The following EXTL3 variants were observed in gnomAD, a reference collection of about 807,000 sequenced individuals.
EXTL3 encodes the protein exostosin-like 3.
Under a neutral mutation model 69.3 loss-of-function variants are expected in EXTL3, and 27 were observed. The observed-to-expected ratio is 0.39, with a 90% CI of 0.29 to 0.54. EXTL3 has a LOEUF of 0.54. Among genes scored for constraint, EXTL3 ranks in the 20% least tolerant of loss-of-function variants. EXTL3 has a pLI of 0.69. For synonymous variants in EXTL3, 511 were observed against 499.4 expected (o/e 1.02, Z -0.31); for missense variants, 1,003 against 1,231.8 (o/e 0.81, Z 2.78).
intron 3 of EXTL3, among the ~76,000 whole-genome samples, chr8:28,719,267 G>C (rs903892955): frequency 9.2e-5 from 14 of 152,164 alleles, no homozygotes; most frequent in African/African-American, 3.4e-4. Context: ...TTGATAATTA[G>C]CTTTTTTGAT....
intron 1 of EXTL3, among the ~76,000 whole-genome samples, chr8:28,635,423 C>T (rs568202947): frequency 1.3e-5 from 2 of 148,438 alleles, no homozygotes; most frequent in South Asian, 2.1e-4. Flanking sequence ...AAAAATTGGC[C>T]GAGCGCAGTG....
intron 1 of EXTL3, among the ~76,000 whole-genome samples, chr8:28,641,142 A>G (rs1806736312): frequency 6.6e-6 from 1 of 152,214 alleles, no homozygotes; most frequent in Non-Finnish European, 1.5e-5. Flanking sequence ...AGAGCCAGAT[A>G]TTACACATTG....
intron 1 of EXTL3, among the ~76,000 whole-genome samples, chr8:28,684,930 C>T (rs904678672): frequency 1.3e-5 from 1 of 79,526 alleles, no homozygotes; most frequent in African/African-American, 4.8e-5. Flanking sequence ...TATCATGATC[C>T]TTTGCCCTTA....
intron 1 of EXTL3, among the ~76,000 whole-genome samples, chr8:28,708,764 A>C (rs554790272): frequency 6.6e-6 from 1 of 152,336 alleles, no homozygotes; most frequent in South Asian, 2.1e-4. Flanking sequence ...CTGGGTTGTC[A>C]TGGAGTTCTG....
At chr8:28,666,280 T>TC (rs1226955226) in intron 1 of EXTL3, among the ~76,000 whole-genome samples, 1 of 152,124 alleles carries the variant, frequency 6.6e-6, no homozygotes, top group African/African-American at 2.4e-5. Flanking sequence ...CTTCCTTCCT[T>TC]CTTTCTTTTT....
At chr8:28,641,887 G>C (rs986467098) in intron 1 of EXTL3, among the ~76,000 whole-genome samples, 7 of 152,146 alleles carry the variant, frequency 4.6e-5, no homozygotes, top group African/African-American at 1.7e-4. Context: ...CCAGGCTGGA[G>C]TGCAGTGGAG....
chr8:28,714,152 C>T (rs1341634760), intron 2 of EXTL3, among the ~76,000 whole-genome samples: 2 of 152,142 alleles, frequency 1.3e-5, no homozygotes, highest in African/African-American at 4.8e-5. Context: ...GAGATCCGCT[C>T]GCCTCGGCCT....
intron 1 of EXTL3, chr8:28,677,993 ACTGAAG>A (rs1244894740): frequency 6.6e-6 from 1 of 152,276 alleles, no homozygotes; most frequent in Admixed American, 6.5e-5. Flanking sequence ...CTTGATTGCT[ACTGAAG>A]CTGGCCTGGA....
At chr8:28,661,895 TTAAAA>T (rs201211877) in intron 1 of EXTL3, among the ~76,000 whole-genome samples, 3,547 of 149,280 alleles carry the variant, frequency 0.024, 57 homozygotes, top group Non-Finnish European at 0.036. Context: ...AAAAAAAAAA[TTAAAA>T]TAAAAGATAA....
intron 1 of EXTL3, chr8:28,631,256 T>C (rs1276356674): frequency 1.8e-4 from 28 of 152,068 alleles, no homozygotes; most frequent in Admixed American, 1.8e-3. Context: ...ACAGCTCTGA[T>C]GGTTTTTATA....
intron 1 of EXTL3, among the ~76,000 whole-genome samples, chr8:28,644,064 T>C (rs2130590040): frequency 6.6e-6 from 1 of 152,290 alleles, no homozygotes; most frequent in South Asian, 2.1e-4. Flanking sequence ...GTGCCCAGCC[T>C]AAGCAATATG....
At chr8:28,731,883 A>AATGATG (rs111755341) in intron 4 of EXTL3, among the ~76,000 whole-genome samples, 3 of 151,670 alleles carry the variant, frequency 2.0e-5, no homozygotes, top group South Asian at 2.1e-4. Context: ...AGGTGGTGGT[A>AATGATG]ATGATGATGA....
In EXTL3 at chr8:28,750,190, A is replaced by G. The variant is rs796426360; in HGVS notation, c.2551-467A>G. On this transcript the variant is annotated intron_variant, in intron 6 of 6. Coordinates refer to ENST00000220562, the MANE Select transcript of EXTL3 (RefSeq NM_001440.4). This position sits in a 1 kb window ranked among gnomAD's most constrained non-coding sequence, Gnocchi z 5.2. ...GTATGGCCACTTTCCCATGGCTTTA[A>G]ATGTAGTTAAGCATCTTTTTTATGG... Among the ~76,000 whole-genome samples, 5 of 152,282 alleles carry G rather than the reference A, an allele frequency of 3.3e-5. No individual in the cohort carries two copies. The East Asian group carries it at 7.7e-4, about 23-fold the overall frequency.
At chr8:28,702,997 A>G (rs1036316705) in intron 1 of EXTL3, among the ~76,000 whole-genome samples, 5 of 152,248 alleles carry the variant, frequency 3.3e-5, no homozygotes, top group South Asian at 2.1e-4. Context: ...GCGACTTGCT[A>G]TTTAGCAGAG....
chr8:28,738,230 C>G (rs186245455), intron 5 of EXTL3, among the ~76,000 whole-genome samples: 10 of 152,304 alleles, frequency 6.6e-5, no homozygotes, highest in Admixed American at 3.3e-4. Context: ...CCTGGCCCAT[C>G]TTCCCTCTCT....
At chr8:28,666,360 C>G (rs778412542) in intron 1 of EXTL3, among the ~76,000 whole-genome samples, 1 of 152,062 alleles carries the variant, frequency 6.6e-6, no homozygotes, top group African/African-American at 2.4e-5. Context: ...TTCCTACATT[C>G]TCAAACAACT....
At chr8:28,611,619 G>A (rs1806272302) in intron 2 of EXTL3, among the ~76,000 whole-genome samples, 1 of 152,170 alleles carries the variant, frequency 6.6e-6, no homozygotes, top group Non-Finnish European at 1.5e-5. Context: ...ACAGCGAGAG[G>A]GGTGATGACC....
upstream of EXTL3, among the ~76,000 whole-genome samples, chr8:28,620,613 T>C (rs907925695): frequency 8.5e-5 from 13 of 152,212 alleles, no homozygotes; most frequent in African/African-American, 3.1e-4. Context: ...CTCATTAACA[T>C]CTCGCAGTTA....
intron 1 of EXTL3, among the ~76,000 whole-genome samples, chr8:28,664,411 C>T (rs1807162478): frequency 6.6e-6 from 1 of 152,072 alleles, no homozygotes; most frequent in South Asian, 2.1e-4. Flanking sequence ...GAGACAGGGT[C>T]TTGCTGTGTC....
Sources: gnomAD v4.1 joint callset for allele counts (sites outside exome capture counted in the v4.1 genomes callset) on GRCh38, gnomAD v4.1.1 for gene constraint, Gnocchi (gnomAD v3.1) non-coding constraint, MANE v1.5 for transcripts, NCBI Gene and HGNC (gene_info 2026-07-23, HGNC 2026-07-21) for gene names.